The following DOCK3 variants were observed in gnomAD, a reference collection of about 807,000 sequenced individuals.
The protein encoded by DOCK3 is dedicator of cytokinesis protein 3.
A neutral mutation model predicts 265.6 loss-of-function variants in DOCK3; 60 were observed. The ratio of observed to expected loss-of-function variants is 0.23; its 90% confidence interval spans 0.18 to 0.28. The LOEUF (loss-of-function observed/expected upper bound fraction) is 0.28, where lower values mean the gene tolerates loss of function less well. Among genes scored for constraint, DOCK3 ranks in the 10% least tolerant of loss-of-function variants. The probability of loss-of-function intolerance (pLI) is 1.00; values close to 1 mark genes in which losing one functional copy is unlikely to be tolerated. For missense variants in DOCK3, 1,981 were observed against 2,594.3 expected (o/e 0.76, Z 5.14); for synonymous variants, 881 against 938.0 (o/e 0.94, Z 1.11).
intron 27 of DOCK3, among the ~76,000 whole-genome samples, chr3:51,290,285 C>T (rs1468322776): frequency 1.3e-5 from 2 of 152,180 alleles, no homozygotes; most frequent in African/African-American, 4.8e-5. Context: ...GGAACCAACG[C>T]AGATGTCCAA....
intron 7 of DOCK3, among the ~76,000 whole-genome samples, chr3:51,082,300 C>T (rs982578241): frequency 2.6e-5 from 4 of 151,940 alleles, no homozygotes; most frequent in Admixed American, 6.5e-5. Context: ...CCAACACACC[C>T]GAATCTCCAC....
intron 9 of DOCK3, among the ~76,000 whole-genome samples, chr3:51,129,289 A>G (rs2084404280): frequency 6.6e-6 from 1 of 152,126 alleles, no homozygotes; most frequent in Admixed American, 6.6e-5. Flanking sequence ...GCAGCTGTCC[A>G]CTTTCGGGTG....
At chr3:51,297,094 G>C (rs1361987339) in intron 27 of DOCK3, among the ~76,000 whole-genome samples, 2 of 144,206 alleles carry the variant, frequency 1.4e-5, no homozygotes, top group African/African-American at 5.2e-5. Context: ...CTCCAGCCTG[G>C]GGGATAGAGT....
At chr3:51,310,073 C>G (rs1331054850) in intron 27 of DOCK3, among the ~76,000 whole-genome samples, 159 bp from the exon 28 acceptor site, 1 of 152,176 alleles carries the variant, frequency 6.6e-6, no homozygotes, top group Admixed American at 6.5e-5. Flanking sequence ...AGAACTCACT[C>G]TCATGTAGCC....
intron 5 of DOCK3, among the ~76,000 whole-genome samples, chr3:51,044,946 C>G (rs2080708152): frequency 6.6e-6 from 1 of 152,142 alleles, no homozygotes. Flanking sequence ...TGGTTGACTA[C>G]CCAGACCACT....
Position 51,364,274 on chromosome 3 carries a change from A to G in DOCK3, c.5293+1600A>G, listed in dbSNP as rs549910868. 4.6e-5 allele frequency among the ~76,000 whole-genome samples: 7 copies of G among 152,352 alleles called. No homozygotes were observed. In the South Asian group the frequency reaches 1.4e-3, roughly 32 times the overall value. ...ATTTTTTCATGTGTCTGTTGGCTGC[A>G]TAAATGTCTTCTTTTGAGAAGTGTC... On this transcript the variant is annotated intron_variant, in intron 49 of 52. Coordinates refer to ENST00000266037, the MANE Select transcript of DOCK3 (RefSeq NM_004947.5).
intron 12 of DOCK3, among the ~76,000 whole-genome samples, chr3:51,188,271 C>G (rs2087735120): frequency 6.6e-6 from 1 of 152,106 alleles, no homozygotes; most frequent in Non-Finnish European, 1.5e-5. Flanking sequence ...ATTAAATATG[C>G]TAAACATTGT....
chr3:50,730,117 C>T (rs912759784), intron 1 of DOCK3, among the ~76,000 whole-genome samples: 1 of 152,044 alleles, frequency 6.6e-6, no homozygotes, highest in African/African-American at 2.4e-5. Context: ...AGAAGTAATA[C>T]TAACTTTGCA....
Position 51,277,721 on chromosome 3 carries a change from G to A in DOCK3, c.2790G>A (p.Gly930=), listed in dbSNP as rs1223135230. 1 of 1,611,918 alleles carries A rather than the reference G, an allele frequency of 6.2e-7. No individual in the cohort carries two copies. The highest frequency in any genetic ancestry group is 8.5e-7 in the Non-Finnish European group (1 of 1,179,428). ...SKSHAQEAVR[G]QRCPQCTAEI... is the part of the protein sequence containing the mutation. Reference sequence around the variant, plus strand: ...CGCACGCTCAGGAGGCGGTAAGAGGGCAGCGGTGCCCGCAGTGCACAGCCG... The same window carrying A: ...CGCACGCTCAGGAGGCGGTAAGAGGACAGCGGTGCCCGCAGTGCACAGCCG... The change falls in exon 26 of 53, where the codon GGG becomes GGA. Residue 930 remains glycine, a synonymous_variant. Transcript: ENST00000266037.
In DOCK3 at chr3:50,890,076, T is replaced by C. The variant is rs190704118; in HGVS notation, c.213T>C (p.Asn71=). Residue 71 remains asparagine (N), a synonymous_variant, in exon 4 of 53, where the codon AAT becomes AAC. Coordinates refer to ENST00000266037, the MANE Select transcript of DOCK3 (RefSeq NM_004947.5). ...ACTTGAAAAAGGCAATTGTCAGTAA[T>C]AGGGGGTGAGTAATTGGCCTTACTA... The part of the protein sequence containing the change: ...YIHLKKAIVS[N]RGQYETVVPL... 10 of 1,435,990 alleles carry C rather than the reference T, an allele frequency of 7.0e-6. No individual in the cohort carries two copies. In the East Asian group the frequency reaches 2.7e-4, roughly 38 times the overall value. 89.0% of individuals were successfully genotyped at this position (1,435,990 alleles called of 1,614,324 possible). A position where few individuals can be genotyped will look rare whatever the true frequency, so the allele number is the denominator to read the frequency against.
chr3:51,059,957 C>A (rs371370873), intron 5 of DOCK3, among the ~76,000 whole-genome samples: 38 of 152,160 alleles, frequency 2.5e-4, no homozygotes, highest in African/African-American at 8.9e-4. Flanking sequence ...TTTGTCAAAT[C>A]TTTTAAAAAC....
At chr3:50,692,429 C>T (rs919411751) in intron 1 of DOCK3, among the ~76,000 whole-genome samples, 2 of 152,142 alleles carry the variant, frequency 1.3e-5, no homozygotes, top group African/African-American at 4.8e-5. Context: ...CCTTCACATG[C>T]ACAGTTCACA....
At chr3:50,827,851 G>A (rs1015505460) in intron 2 of DOCK3, among the ~76,000 whole-genome samples, 1 of 151,976 alleles carries the variant, frequency 6.6e-6, no homozygotes, top group Non-Finnish European at 1.5e-5. Flanking sequence ...AATTAACCCA[G>A]CATTTTAATG....
At chr3:51,273,399 A>G (rs2080623812) in intron 24 of DOCK3, among the ~76,000 whole-genome samples, 1 of 152,230 alleles carries the variant, frequency 6.6e-6, no homozygotes, top group African/African-American at 2.4e-5. Context: ...CCTGAGTTGC[A>G]GCATCTTCCC....
chr3:51,071,542 A>C (rs2081865453), intron 6 of DOCK3, among the ~76,000 whole-genome samples: 1 of 152,220 alleles, frequency 6.6e-6, no homozygotes, highest in African/African-American at 2.4e-5. Flanking sequence ...GCAATGTAAC[A>C]TGGGGATAAT....
intron 10 of DOCK3, among the ~76,000 whole-genome samples, chr3:51,152,851 C>T (rs1206750631): frequency 1.3e-5 from 2 of 152,158 alleles, no homozygotes; most frequent in Admixed American, 6.5e-5. Flanking sequence ...AATATTGCTG[C>T]CTGATCCTTC....
At chr3:51,159,152 A>G (rs1399907833) in intron 10 of DOCK3, 92 bp from the exon 11 acceptor site, 13 of 1,252,490 alleles carry the variant, frequency 1.0e-5, no homozygotes, top group South Asian at 2.5e-5. Flanking sequence ...TGCCTATAAC[A>G]TACAGTAAAA....
At position 50,983,303 on chromosome 3, in the gene DOCK3, T is replaced by A. The variant is rs114632936; in HGVS notation, c.315+49226T>A. Among the ~76,000 whole-genome samples the A allele has an allele frequency of 2.8e-3, 418 of 151,896 alleles. 1 individual carries two copies. Among genetic ancestry groups the A allele is most frequent in the African/African-American group, 9.7e-3 (400 of 41,430 alleles). On this transcript the variant is annotated intron_variant, in intron 5 of 52. Coordinates refer to ENST00000266037, the MANE Select transcript of DOCK3 (RefSeq NM_004947.5). ...AGGCTCCTGGGTGGAAGGGGGTGGGTCCCTGATGAGGCCCCACCTTCAGGC... is the reference window on the plus strand; with the variant it reads ...AGGCTCCTGGGTGGAAGGGGGTGGGACCCTGATGAGGCCCCACCTTCAGGC...
At chr3:51,214,327 C>T in intron 14 of DOCK3, 80 bp downstream of exon 14, 1 of 1,562,006 alleles carries the variant, frequency 6.4e-7, no homozygotes. Context: ...AGGTGGTGAA[C>T]TGTGCTATGG....
Sources: allele counts gnomAD v4.1 joint callset (sites outside exome capture counted in the v4.1 genomes callset), GRCh38; gene constraint gnomAD v4.1.1; transcripts MANE v1.5; gene names NCBI Gene and HGNC (gene_info 2026-07-23, HGNC 2026-07-21).